Variants in POGZ observed in about 807,000 individuals in gnomAD.
The protein encoded by POGZ is pogo transposable element with ZNF domain.
POGZ carries 17 observed loss-of-function variants against 134.6 expected under a neutral mutation model. The observed-to-expected ratio is 0.13, with a 90% CI of 0.09 to 0.19. The LOEUF (loss-of-function observed/expected upper bound fraction) is 0.19. POGZ is among the 10% of genes least tolerant of loss of function. The pLI, the probability that POGZ is intolerant of heterozygous loss-of-function variation, is 1.00. For synonymous variants in POGZ, 693 were observed against 657.1 expected (o/e 1.05, Z -0.84); for missense variants, 1,306 against 1,769.7 (o/e 0.74, Z 4.70).
At position 151,411,596 on chromosome 1, in the gene POGZ, G is replaced by T. The variant is rs753906144; in HGVS notation, c.1926+29C>A. On this transcript the variant is annotated intron_variant, in intron 12 of 18. Transcript: ENST00000271715. ...ATGTTTAAAAAAAAAAAAAACAAGAGAATATGGGAATTGCTTGGTGCCTAG... is the reference window on the plus strand; with the variant it reads ...ATGTTTAAAAAAAAAAAAAACAAGATAATATGGGAATTGCTTGGTGCCTAG... The T allele has an allele frequency of 8.6e-6, 13 of 1,508,044 alleles. 1 individual carries two copies. The East Asian group carries it at 2.1e-4, about 24-fold the overall frequency. The allele number at this position is 1,508,044 out of a possible 1,614,324, so 93.4% of individuals were successfully genotyped here.
chr1:151,424,562 A>T (rs533709656), intron 8 of POGZ: 149 of 343,852 alleles, frequency 4.3e-4, no homozygotes, highest in African/African-American at 3.0e-3. Flanking sequence ...GGCAAAGAAG[A>T]AGTTCCAACC....
rs1653405747 is a variant in POGZ at position 151,405,471 on chromosome 1, G to A, written c.3564C>T (p.Asp1188=). 4 of 1,614,234 alleles carry A rather than the reference G, an allele frequency of 2.5e-6. No homozygotes were observed. Among genetic ancestry groups the A allele is most frequent in the South Asian group, 2.2e-5 (2 of 91,084 alleles). Residue 1188 remains aspartate, a synonymous_variant, in exon 19 of 19, where the codon GAC becomes GAT. Coordinates refer to ENST00000271715, the MANE Select transcript of POGZ (RefSeq NM_015100.4). The surrounding 1 kb of genome is among the most constrained non-coding windows in gnomAD (Gnocchi z 4.9). ...GQMDQPANMP[D]SILLEAKESG... is the part of the protein sequence containing the mutation. Reference sequence around the variant, plus strand: ...TCTCCTTTGCCTCTAGCAATATGGAGTCTGGCATGTTAGCAGGCTGATCCA... The same window carrying A: ...TCTCCTTTGCCTCTAGCAATATGGAATCTGGCATGTTAGCAGGCTGATCCA...
intron 2 of POGZ, among the ~76,000 whole-genome samples, chr1:151,441,592 T>C (rs908077735): frequency 4.6e-5 from 7 of 152,156 alleles, no homozygotes; most frequent in Non-Finnish European, 1.5e-5. Context: ...GACCCAGCAG[T>C]ATCACCTTTA....
Position 151,424,809 on chromosome 1 carries a change from C to T in POGZ, c.1185+146G>A. On this transcript the variant is annotated intron_variant, in intron 8 of 18. Transcript: ENST00000271715. ...ATGTATCCCATCACATTCCAAAGTACACAGCTCTTCTAAAAACAGACCAAG... is the reference window on the plus strand; with the variant it reads ...ATGTATCCCATCACATTCCAAAGTATACAGCTCTTCTAAAAACAGACCAAG... The T allele has an allele frequency of 5.1e-6, 3 of 586,304 alleles. No individual in the cohort carries two copies. The South Asian group carries it at 6.0e-5, about 12-fold the overall frequency. 36.3% of individuals were successfully genotyped at this position (586,304 alleles called of 1,614,324 possible).
chr1:151,415,183 C>A (rs1322547246), intron 10 of POGZ, among the ~76,000 whole-genome samples: 13 of 152,214 alleles, frequency 8.5e-5, no homozygotes, highest in Admixed American at 7.2e-4. Flanking sequence ...CCAACCCCGA[C>A]AGGCTCCGAC....
Position 151,428,203 on chromosome 1 carries a change from G to A in POGZ, c.779C>T (p.Thr260Ile). 6.2e-7 allele frequency: 1 copy of A among 1,614,190 alleles called. No homozygotes were observed. The highest frequency in any genetic ancestry group is 8.5e-7 in the Non-Finnish European group (1 of 1,180,012). ...CCCCAGTGAGGTTGGCTGTGTGGCA[G>A]TGGGAGTGGTAGAAGTGCTGGGAGT... ...KSTPSTSTTP[T>I]ATQPTSLGQL... The change falls in exon 6 of 19, where the codon ACT becomes ATT. Residue 260 changes from threonine (T) to isoleucine (I), a missense_variant. Coordinates refer to ENST00000271715, the MANE Select transcript of POGZ (RefSeq NM_015100.4).
intron 5 of POGZ, 65 bp downstream of exon 5, chr1:151,429,538 T>C (rs1557913599): frequency 2.5e-6 from 2 of 790,020 alleles, no homozygotes. Context: ...TTAGGATATT[T>C]AGAACAATAA....
In POGZ at chr1:151,404,168, G is replaced by A. The variant is rs188171000; in HGVS notation, c.*634C>T. The A allele has an allele frequency of 2.7e-5, 27 of 985,548 alleles. No individual in the cohort carries two copies. Among genetic ancestry groups the A allele is most frequent in the Admixed American group, 1.8e-4 (3 of 16,280 alleles). The allele number at this position is 985,548 out of a possible 1,614,324, so 61.1% of individuals were successfully genotyped here. A position where few individuals can be genotyped will look rare whatever the true frequency, so the allele number is the denominator to read the frequency against. ...GGTTGCTGTAGAAACCAACATCTCTGGAGAGGGAAGGAAAGAAAAGGAGAA... is the reference window on the plus strand; with the variant it reads ...GGTTGCTGTAGAAACCAACATCTCTAGAGAGGGAAGGAAAGAAAAGGAGAA... On this transcript the variant is annotated 3_prime_UTR_variant, in exon 19 of 19. Transcript: ENST00000271715.
At chr1:151,439,329 G>A (rs1198919789) in intron 3 of POGZ, among the ~76,000 whole-genome samples, 1 of 152,070 alleles carries the variant, frequency 6.6e-6, no homozygotes, top group East Asian at 1.9e-4. Context: ...AAGTTTTTTA[G>A]AAGTCTAAAG....
intron 3 of POGZ, among the ~76,000 whole-genome samples, chr1:151,437,489 T>C (rs1659816384): frequency 6.6e-6 from 1 of 152,204 alleles, no homozygotes. Context: ...CAGTGGCTCA[T>C]GCCTGTAATC....
chr1:151,428,217 A>G lies in POGZ; in HGVS notation c.765T>C (p.Thr255=), dbSNP rs968283171. 4 of 1,614,070 alleles carry G rather than the reference A, an allele frequency of 2.5e-6. No individual in the cohort carries two copies. Among genetic ancestry groups the G allele is most frequent in the Non-Finnish European group, 3.4e-6 (4 of 1,179,974 alleles). The stretch of plus-strand genomic sequence containing the variant: ...GCTGTGTGGCAGTGGGAGTGGTAGA[A>G]GTGCTGGGAGTGGACTTGGTCTGCT... The part of the protein sequence containing the change: ...QSQQTKSTPS[T]STTPTATQPT... The change falls in exon 6 of 19, where the codon ACT becomes ACC. Residue 255 remains threonine (T), a synonymous_variant. Transcript: ENST00000271715.
chr1:151,407,062 C>T (rs1395948761), intron 16 of POGZ, 39 bp from the exon 17 acceptor site: 2 of 1,492,492 alleles, frequency 1.3e-6, no homozygotes, highest in Admixed American at 1.7e-5. Context: ...ACAAACACAG[C>T]AGTGACACTT....
In POGZ at chr1:151,403,592, T is replaced by A. The variant is rs1653074067; in HGVS notation, c.*1210A>T. Reference sequence around the variant, plus strand: ...TCCCTCATGCAAATTGTAGAAAAAATTTTCTTTCCTTGAAGCTGGCAGTGA... The same window carrying A: ...TCCCTCATGCAAATTGTAGAAAAAAATTTCTTTCCTTGAAGCTGGCAGTGA... On this transcript the variant is annotated 3_prime_UTR_variant, in exon 19 of 19. Coordinates refer to ENST00000271715, the MANE Select transcript of POGZ (RefSeq NM_015100.4). The A allele has an allele frequency of 4.1e-6, 4 of 985,606 alleles. No homozygotes were observed. The Admixed American group carries it at 1.8e-4, about 46-fold the overall frequency. The allele number at this position is 985,606 out of a possible 1,614,324, so 61.1% of individuals were successfully genotyped here.
At chr1:151,456,463 A>T (rs1662782453) in intron 1 of POGZ, among the ~76,000 whole-genome samples, 1 of 152,200 alleles carries the variant, frequency 6.6e-6, no homozygotes, top group Admixed American at 6.5e-5. Context: ...AGTGTGAAAA[A>T]CCATAGTCTG....
At position 151,403,382 on chromosome 1, in the gene POGZ, G is replaced by A. The variant is rs758473126; in HGVS notation, c.*1420C>T. On this transcript the variant is annotated 3_prime_UTR_variant, in exon 19 of 19. Transcript: ENST00000271715. ...TCCATTTCCCCTCATTTTATTAAATGTTCCACTTATGTACATTTTAAAGAC... is the reference window on the plus strand; with the variant it reads ...TCCATTTCCCCTCATTTTATTAAATATTCCACTTATGTACATTTTAAAGAC... 1 of 985,426 alleles carries A rather than the reference G, an allele frequency of 1.0e-6. No homozygotes were observed. The highest frequency in any genetic ancestry group is 1.2e-6 in the Non-Finnish European group (1 of 829,606). The allele number at this position is 985,426 out of a possible 1,614,324, so 61.0% of individuals were successfully genotyped here.
intron 10 of POGZ, among the ~76,000 whole-genome samples, chr1:151,417,068 C>CTTTTTTT (rs562262990): frequency 6.9e-6 from 1 of 144,976 alleles, no homozygotes. Flanking sequence ...TCTGTTAGAT[C>CTTTTTTT]TTTTTTTTTT....
rs1218623664 is a variant in POGZ, at chr1:151,430,899, T to TTTTAC, written c.284-63_284-59dup. ...TGTTAGAAACAATGTTAAACCCACA[T>TTTTAC]TTTACTTTATTTTATTTTATTTTAT... On this transcript the variant is annotated intron_variant, in intron 3 of 18. Transcript: ENST00000271715. The TTTTAC allele has an allele frequency of 7.0e-6, 7 of 1,006,798 alleles. No homozygotes were observed. The African/African-American group carries it at 1.1e-4, about 16-fold the overall frequency. 62.4% of individuals were successfully genotyped at this position (1,006,798 alleles called of 1,614,324 possible).
chr1:151,445,524 A>G (rs1205407753), intron 1 of POGZ, among the ~76,000 whole-genome samples: 2 of 147,836 alleles, frequency 1.4e-5, no homozygotes, highest in Non-Finnish European at 3.0e-5. Context: ...CTCTGTCTCA[A>G]AAAAAAAAAA....
At chr1:151,430,916 T>G (rs1198334476) in intron 3 of POGZ, 75 bp from the exon 4 acceptor site, 1 of 340,038 alleles carries the variant, frequency 2.9e-6, no homozygotes, top group African/African-American at 2.5e-5. Context: ...TTATTTTATT[T>G]TATTTTATTT....
Sources: gnomAD v4.1 joint callset for allele counts (sites outside exome capture counted in the v4.1 genomes callset) on GRCh38, gnomAD v4.1.1 for gene constraint, Gnocchi (gnomAD v3.1) non-coding constraint, MANE v1.5 for transcripts, NCBI Gene and HGNC (gene_info 2026-07-23, HGNC 2026-07-21) for gene names.